The following KLF12 variants were observed in gnomAD, a reference collection of about 807,000 sequenced individuals.
KLF12 encodes the protein KLF transcription factor 12.
In KLF12, 9 loss-of-function variants were observed where a neutral mutation model predicts 37.8. The ratio of observed to expected loss-of-function variants is 0.24; its 90% CI spans 0.14 to 0.42. KLF12 has a LOEUF of 0.42. Among genes scored for constraint, KLF12 ranks in the 10% least tolerant of loss-of-function variants. KLF12 has a pLI of 1.00. For synonymous variants in KLF12, 208 were observed against 202.1 expected (o/e 1.03, Z -0.25); for missense variants, 411 against 516.0 (o/e 0.80, Z 1.97).
In KLF12 at chr13:73,833,220, G is replaced by A. The variant is rs117918867; in HGVS notation, c.670+12607C>T. ...CACAGGTAAAATATTTTACCTGAGA[G>A]TAAAAGAATAAATAAGAACTGACTA... On this transcript the variant is annotated intron_variant, in intron 4 of 7. Transcript: ENST00000377669. Among the ~76,000 whole-genome samples the A allele has an allele frequency of 4.5e-3, 692 of 152,242 alleles. 5 individuals are homozygous for A. Among genetic ancestry groups the A allele is most frequent in the East Asian group, 0.014 (73 of 5,186 alleles).
chr13:74,177,134 A>G, the KLF12 span, among the ~76,000 whole-genome samples: 1 of 152,198 alleles, frequency 6.6e-6, no homozygotes. Flanking sequence ...TTATGAATAC[A>G]TTTTTAGTAA....
At chr13:74,233,638 T>C in the KLF12 span, among the ~76,000 whole-genome samples, 4 of 152,212 alleles carry the variant, frequency 2.6e-5, no homozygotes, top group Non-Finnish European at 5.9e-5. Flanking sequence ...GATGACTAAA[T>C]ATTCTATATG....
chr13:73,884,886 T>C (rs1290518122), intron 3 of KLF12, among the ~76,000 whole-genome samples: 1 of 152,198 alleles, frequency 6.6e-6, no homozygotes, highest in Non-Finnish European at 1.5e-5. Flanking sequence ...TCATCACAGC[T>C]GGGCAACCAC....
At chr13:74,101,470 A>T (rs1490434549) in intron 1 of KLF12, among the ~76,000 whole-genome samples, 1 of 152,160 alleles carries the variant, frequency 6.6e-6, no homozygotes, top group Non-Finnish European at 1.5e-5. Flanking sequence ...GTCCACCAAG[A>T]GGACTCAGGA....
intron 1 of KLF12, among the ~76,000 whole-genome samples, chr13:74,092,361 A>G (rs569595438): frequency 6.6e-6 from 1 of 151,556 alleles, no homozygotes; most frequent in East Asian, 2.0e-4. Context: ...GATACTATCA[A>G]GAAAATGAAA....
At chr13:74,279,518 CA>C in the KLF12 span, among the ~76,000 whole-genome samples, 21 of 77,818 alleles carry the variant, frequency 2.7e-4, no homozygotes, top group African/African-American at 5.6e-4. Context: ...AAATTTTGTT[CA>C]TTTTTTTTTT....
the KLF12 span, among the ~76,000 whole-genome samples, chr13:74,266,987 C>T: frequency 2.0e-5 from 3 of 152,056 alleles, no homozygotes; most frequent in African/African-American, 7.2e-5. Flanking sequence ...TATTAGTGTA[C>T]CATTTGAATG....
At chr13:73,832,668 T>A (rs760138995) in intron 4 of KLF12, among the ~76,000 whole-genome samples, 1 of 152,352 alleles carries the variant, frequency 6.6e-6, no homozygotes, top group Admixed American at 6.5e-5. Context: ...CTTTGTTTTA[T>A]GGATGCAACA....
At chr13:73,999,442 C>A (rs1451627802) in intron 1 of KLF12, among the ~76,000 whole-genome samples, 4 of 152,100 alleles carry the variant, frequency 2.6e-5, no homozygotes, top group Non-Finnish European at 4.4e-5. Flanking sequence ...CAGACAAAAA[C>A]CCAGGCATAG....
chr13:74,041,711 C>CACAG (rs1333858940), intron 1 of KLF12, among the ~76,000 whole-genome samples: 1 of 149,826 alleles, frequency 6.7e-6, no homozygotes, highest in East Asian at 1.9e-4. Context: ...CACACACACA[C>CACAG]ACACACACAC....
chr13:74,210,980 C>T, the KLF12 span, among the ~76,000 whole-genome samples: 1 of 152,186 alleles, frequency 6.6e-6, no homozygotes, highest in African/African-American at 2.4e-5. Context: ...GAGAGAATCA[C>T]ACCAGTTGCA....
intron 5 of KLF12, among the ~76,000 whole-genome samples, chr13:73,771,119 C>T (rs915454610): frequency 2.2e-4 from 33 of 152,146 alleles, no homozygotes; most frequent in African/African-American, 7.2e-4. Context: ...GTAAGATGCC[C>T]TCCCTAACCT....
intron 6 of KLF12, among the ~76,000 whole-genome samples, chr13:73,739,555 T>G (rs1409927682): frequency 6.6e-6 from 1 of 152,108 alleles, no homozygotes; most frequent in African/African-American, 2.4e-5. Context: ...GTATTATATC[T>G]CCATAAAGGT....
chr13:74,025,201 T>C (rs991122433), intron 1 of KLF12, among the ~76,000 whole-genome samples: 1 of 152,174 alleles, frequency 6.6e-6, no homozygotes, highest in African/African-American at 2.4e-5. Flanking sequence ...TTACTTTGTT[T>C]GACAGCTATG....
At chr13:73,933,451 T>C (rs544988957) in intron 3 of KLF12, among the ~76,000 whole-genome samples, 1 of 152,304 alleles carries the variant, frequency 6.6e-6, no homozygotes, top group Admixed American at 6.5e-5. Context: ...GATATTTAAA[T>C]TTTTCTAAAA....
chr13:74,149,301 A>G, the KLF12 span, among the ~76,000 whole-genome samples: 5 of 152,244 alleles, frequency 3.3e-5, no homozygotes, highest in East Asian at 9.7e-4. Flanking sequence ...GGCACCTAAA[A>G]TTACCTTTTC....
intron 3 of KLF12, among the ~76,000 whole-genome samples, chr13:73,870,332 A>G (rs1886402652): frequency 1.3e-5 from 2 of 152,170 alleles, no homozygotes; most frequent in Admixed American, 1.3e-4. Flanking sequence ...CTGCAATAAC[A>G]TTTTACTTAT....
chr13:74,117,196 A>G (rs1421408975), intron 1 of KLF12, among the ~76,000 whole-genome samples: 1 of 152,196 alleles, frequency 6.6e-6, no homozygotes, highest in Non-Finnish European at 1.5e-5. Flanking sequence ...TGGTTTCTAG[A>G]TATCATTCTA....
intron 3 of KLF12, among the ~76,000 whole-genome samples, chr13:73,883,084 T>C (rs1594208882): frequency 6.6e-6 from 1 of 152,228 alleles, no homozygotes. Context: ...CTTCTCCAAA[T>C]AATTACTATC....
Sources: gnomAD v4.1 joint callset for allele counts (sites outside exome capture counted in the v4.1 genomes callset) on GRCh38, gnomAD v4.1.1 for gene constraint, MANE v1.5 for transcripts, NCBI Gene and HGNC (gene_info 2026-07-23, HGNC 2026-07-21) for gene names.